Variants in NRXN3 observed in about 807,000 individuals in gnomAD.
The protein encoded by NRXN3 is neurexin 3.
Under a neutral mutation model 137.6 loss-of-function variants are expected in NRXN3, and 32 were observed. The ratio of observed to expected loss-of-function variants is 0.23; its 90% confidence interval spans 0.18 to 0.31. NRXN3 has a LOEUF of 0.31. Ranked by LOEUF, NRXN3 falls within the 10% of genes least tolerant of loss-of-function variation. NRXN3 has a pLI of 1.00. For synonymous variants in NRXN3, 798 were observed against 784.5 expected (o/e 1.02, Z -0.29); for missense variants, 1,574 against 2,062.5 (o/e 0.76, Z 4.59).
At chr14:79,177,813 G>C (rs1380478454) in intron 15 of NRXN3, among the ~76,000 whole-genome samples, 1 of 152,184 alleles carries the variant, frequency 6.6e-6, no homozygotes, top group African/African-American at 2.4e-5. Flanking sequence ...CGAGTTTGTG[G>C]AAAGTGATTT....
intron 6 of NRXN3, among the ~76,000 whole-genome samples, chr14:78,658,593 T>C (rs1022263212): frequency 6.6e-6 from 1 of 152,324 alleles, no homozygotes; most frequent in South Asian, 2.1e-4. Flanking sequence ...AGTTCTAATG[T>C]TAATTAGAAA....
chr14:79,150,234 G>A (rs2059676267), intron 15 of NRXN3, among the ~76,000 whole-genome samples: 1 of 151,870 alleles, frequency 6.6e-6, no homozygotes, highest in African/African-American at 2.4e-5. Context: ...GCCAGATGGG[G>A]GAGATCAGCT....
At chr14:79,488,537 G>A (rs754449922) in intron 16 of NRXN3, among the ~76,000 whole-genome samples, 4 of 152,180 alleles carry the variant, frequency 2.6e-5, no homozygotes, top group Non-Finnish European at 5.9e-5. Context: ...AATTAACCAA[G>A]CTGGGGCAGA....
intron 6 of NRXN3, among the ~76,000 whole-genome samples, chr14:78,691,823 T>C (rs2098173011): frequency 6.6e-6 from 1 of 152,128 alleles, no homozygotes; most frequent in South Asian, 2.1e-4. Context: ...TTATGGTAAA[T>C]ACAGAAGATG....
chr14:79,183,267 C>G (rs1484141699), intron 15 of NRXN3, among the ~76,000 whole-genome samples: 1 of 152,150 alleles, frequency 6.6e-6, no homozygotes, highest in Non-Finnish European at 1.5e-5. Flanking sequence ...CTTCCCTATA[C>G]TTCAGTTTTT....
chr14:79,751,885 C>A (rs28833841), intron 19 of NRXN3, among the ~76,000 whole-genome samples: 1 of 151,586 alleles, frequency 6.6e-6, no homozygotes, highest in African/African-American at 2.4e-5. Flanking sequence ...GATTGATTTG[C>A]ATATATTGAA....
Position 79,512,836 on chromosome 14 carries a change from G to A in NRXN3, c.3444+45434G>A, listed in dbSNP as rs537700567. 2.2e-3 allele frequency among the ~76,000 whole-genome samples: 333 copies of A among 152,218 alleles called. 2 individuals are homozygous for A. Among genetic ancestry groups the A allele is most frequent in the South Asian group, 9.3e-3 (45 of 4,820 alleles). On this transcript the variant is annotated intron_variant, in intron 16 of 20. Transcript: ENST00000335750. ...TGAAAGCTCCCACAAATCAGCAATT[G>A]CATCTGTATAACCTATTCTGTATGG...
chr14:79,134,429 C>T (rs1321791316), intron 15 of NRXN3, among the ~76,000 whole-genome samples: 1 of 152,188 alleles, frequency 6.6e-6, no homozygotes, highest in Admixed American at 6.5e-5. Flanking sequence ...GTTCTTCAGG[C>T]AGCAATTTAA....
chr14:78,647,026 A>T (rs1196437385), intron 5 of NRXN3, among the ~76,000 whole-genome samples: 1 of 152,192 alleles, frequency 6.6e-6, no homozygotes, highest in South Asian at 2.1e-4. Context: ...CTTTTCATGT[A>T]CTTCAGAGCA....
At chr14:78,537,138 G>C (rs2096543984) in intron 4 of NRXN3, among the ~76,000 whole-genome samples, 1 of 152,030 alleles carries the variant, frequency 6.6e-6, no homozygotes, top group Non-Finnish European at 1.5e-5. Context: ...GGGATTGCTG[G>C]GTCCAATCAT....
chr14:79,286,662 G>C (rs1230171941), intron 15 of NRXN3, among the ~76,000 whole-genome samples: 1 of 151,538 alleles, frequency 6.6e-6, no homozygotes, highest in Non-Finnish European at 1.5e-5. Flanking sequence ...TGCTCAAAAT[G>C]CGTGCTGATG....
chr14:78,762,148 G>A (rs933725460), intron 8 of NRXN3, among the ~76,000 whole-genome samples: 3 of 151,938 alleles, frequency 2.0e-5, no homozygotes, highest in African/African-American at 7.3e-5. Context: ...GGTCTGTTTT[G>A]TCTCCTACAA....
At chr14:79,218,798 C>T (rs188815154) in intron 15 of NRXN3, among the ~76,000 whole-genome samples, 49 of 152,136 alleles carry the variant, frequency 3.2e-4, no homozygotes, top group Admixed American at 1.4e-3. Flanking sequence ...TAAGATTGGA[C>T]GGGTAAACAG....
intron 8 of NRXN3, among the ~76,000 whole-genome samples, chr14:78,782,799 G>A (rs1354153211): frequency 6.6e-6 from 1 of 152,160 alleles, no homozygotes; most frequent in Non-Finnish European, 1.5e-5. Context: ...GCTAATAAGT[G>A]GCAGGCCTCA....
intron 16 of NRXN3, among the ~76,000 whole-genome samples, chr14:79,653,062 GAGT>G (rs1310467573): frequency 6.6e-6 from 1 of 151,912 alleles, no homozygotes; most frequent in Non-Finnish European, 1.5e-5. Context: ...ACACACACCA[GAGT>G]CCCCACGTGC....
intron 12 of NRXN3, among the ~76,000 whole-genome samples, 186 bp downstream of exon 12, chr14:78,966,592 T>C (rs544888044): frequency 4.7e-4 from 72 of 152,244 alleles, no homozygotes; most frequent in Non-Finnish European, 9.0e-4. Context: ...AGGCTCATGA[T>C]TTAATTTAAA....
intron 19 of NRXN3, among the ~76,000 whole-genome samples, chr14:79,716,073 A>C (rs1452909416): frequency 6.6e-6 from 1 of 152,186 alleles, no homozygotes; most frequent in Non-Finnish European, 1.5e-5. Flanking sequence ...GACTCATGAC[A>C]AAGGGGTGTG....
chr14:79,759,419 TG>T (rs2099030801), intron 19 of NRXN3, among the ~76,000 whole-genome samples: 1 of 151,570 alleles, frequency 6.6e-6, no homozygotes, highest in Admixed American at 6.6e-5. Context: ...CTTCAGTTAT[TG>T]GTCCTAGGAG....
chr14:78,750,572 T>C (rs1220660942), intron 8 of NRXN3, among the ~76,000 whole-genome samples: 2 of 152,290 alleles, frequency 1.3e-5, no homozygotes, highest in East Asian at 3.9e-4. Flanking sequence ...CTTGAGATAC[T>C]CAGAGAGATT....
Sources: allele counts gnomAD v4.1 joint callset (sites outside exome capture counted in the v4.1 genomes callset), GRCh38; gene constraint gnomAD v4.1.1; transcripts MANE v1.5; gene names NCBI Gene and HGNC (gene_info 2026-07-23, HGNC 2026-07-21).